The following TMEM52B variants were observed in gnomAD, a reference collection of about 807,000 sequenced individuals.
TMEM52B encodes the protein transmembrane protein 52B, also known as chromosome 12 open reading frame 59.
A neutral mutation model predicts 16.1 loss-of-function variants in TMEM52B; 11 were observed. The ratio of observed to expected loss-of-function variants is 0.68; its 90% CI spans 0.43 to 1.13. The LOEUF (loss-of-function observed/expected upper bound fraction) is 1.13, where lower values mean the gene tolerates loss of function less well. Ranked by LOEUF, TMEM52B falls within the 50% of genes most tolerant of loss-of-function variation. The pLI, the probability that TMEM52B is intolerant of heterozygous loss-of-function variation, is 0.00. For missense variants in TMEM52B, 243 were observed against 230.4 expected, an observed-to-expected ratio of 1.05 and a Z score of -0.35; for synonymous variants, 101 against 93.8, an observed-to-expected ratio of 1.08 and a Z score of -0.45.
chr12:10,179,584 C>T lies in TMEM52B; in HGVS notation c.10C>T (p.Arg4Ter), dbSNP rs769702735. Residue 4 changes from arginine (R) to a stop codon, truncating the protein, a stop_gained, in exon 1 of 5, where the codon CGA becomes TGA. Coordinates refer to ENST00000543484, the MANE Select transcript of TMEM52B (RefSeq NM_001384896.1). LOFTEE classifies it high-confidence loss of function. ...GCAGGAATTCAGCCCGATGGGAGTC[C>T]GAGTTCATGTCGTGGCGGCCTCAGC... MGV[R>*]VHVVAASALL... 8.1e-6 allele frequency: 13 copies of T among 1,614,066 alleles called. No individual in the cohort carries two copies. Among genetic ancestry groups the T allele is most frequent in the South Asian group, 1.1e-5 (1 of 91,088 alleles).
At chr12:10,173,296 T>C (rs2137532103) in intron 1 of TMEM52B, among the ~76,000 whole-genome samples, 1 of 149,746 alleles carries the variant, frequency 6.7e-6, no homozygotes, top group East Asian at 2.0e-4. Context: ...TTACTTTAAA[T>C]TACTCCAGGA....
chr12:10,185,628 C>T (rs1233418730), intron 3 of TMEM52B, among the ~76,000 whole-genome samples: 4 of 152,080 alleles, frequency 2.6e-5, no homozygotes, highest in African/African-American at 7.2e-5. Flanking sequence ...AGAGCCTGGC[C>T]GGGCGTGGTG....
intron 1 of TMEM52B, among the ~76,000 whole-genome samples, chr12:10,172,838 C>T (rs1306459615): frequency 6.6e-6 from 1 of 152,114 alleles, no homozygotes; most frequent in Non-Finnish European, 1.5e-5. Flanking sequence ...TATAGGAATT[C>T]AAATGACATG....
rs898337385 is a variant in TMEM52B at position 10,191,078 on chromosome 12, T to A, written c.*938T>A. The stretch of plus-strand genomic sequence containing the variant: ...AACTAAATGCTGAACTAAGCCTGGT[T>A]GAGATGCTTCCCATGGACCATGCCG... On this transcript the variant is annotated 3_prime_UTR_variant, in exon 5 of 5. Transcript: ENST00000543484. 34 of 152,250 alleles carry A rather than the reference T, an allele frequency of 2.2e-4. No individual in the cohort carries two copies. Among genetic ancestry groups the A allele is most frequent in the African/African-American group, 8.2e-4 (34 of 41,450 alleles). 9.4% of individuals were successfully genotyped at this position (152,250 alleles called of 1,614,324 possible). A position where few individuals can be genotyped will look rare whatever the true frequency, so the allele number is the denominator to read the frequency against.
upstream of TMEM52B, among the ~76,000 whole-genome samples, chr12:10,175,087 C>T (rs1948756348): frequency 6.6e-6 from 1 of 152,114 alleles, no homozygotes; most frequent in South Asian, 2.1e-4. Flanking sequence ...TTAGAGGGCT[C>T]TCATTATTCC....
intron 1 of TMEM52B, among the ~76,000 whole-genome samples, chr12:10,172,676 G>A (rs1022340250): frequency 3.9e-5 from 6 of 152,222 alleles, no homozygotes; most frequent in Non-Finnish European, 1.5e-5. Flanking sequence ...AGTTCATGCA[G>A]TGCCAGTGTA....
At chr12:10,171,485 T>C (rs1948716476) in intron 1 of TMEM52B, among the ~76,000 whole-genome samples, 1 of 152,214 alleles carries the variant, frequency 6.6e-6, no homozygotes, top group Non-Finnish European at 1.5e-5. Flanking sequence ...TTACTTTGCC[T>C]GCATAATTCA....
At position 10,186,910 on chromosome 12, in the gene TMEM52B, C is replaced by T. The variant is rs111666078; in HGVS notation, c.307+321C>T. On this transcript the variant is annotated intron_variant, in intron 4 of 4. Coordinates refer to ENST00000543484, the MANE Select transcript of TMEM52B (RefSeq NM_001384896.1). ...CTCCAAACGGATGCCTTTTTCAAAA[C>T]GTCTTGGATTTTGTGAAATCTACTT... Among the ~76,000 whole-genome samples, 420 of 152,212 alleles carry T rather than the reference C, an allele frequency of 2.8e-3. 3 individuals carry two copies. The highest frequency in any genetic ancestry group is 9.8e-3 in the African/African-American group (406 of 41,534).
At chr12:10,174,378 C>T (rs1019593169), upstream of TMEM52B, among the ~76,000 whole-genome samples, 1 of 152,144 alleles carries the variant, frequency 6.6e-6, no homozygotes. Flanking sequence ...GTCTTCTTGA[C>T]TGGGTCATGG....
At chr12:10,188,820 C>G (rs980362864) in intron 4 of TMEM52B, among the ~76,000 whole-genome samples, 1 of 151,622 alleles carries the variant, frequency 6.6e-6, no homozygotes, top group African/African-American at 2.4e-5. Flanking sequence ...AGATCGAGAC[C>G]ATCCTGGCTA....
At chr12:10,172,849 T>C (rs988274271) in intron 1 of TMEM52B, among the ~76,000 whole-genome samples, 1 of 152,128 alleles carries the variant, frequency 6.6e-6, no homozygotes, top group African/African-American at 2.4e-5. Context: ...AAATGACATG[T>C]CTGGAAATTA....
rs1359419314 is a variant in TMEM52B, at chr12:10,189,975, C to T, written c.387C>T (p.Pro129=). The change falls in exon 5 of 5, where the codon CCC becomes CCT. Residue 129 remains proline, a synonymous_variant. Transcript: ENST00000543484. ...CCCACAGCTCCCTGGGCCAGCTGCC[C>T]TCCTCTTTGGACACCCTCCCAGGGT... is the stretch of plus-strand genomic sequence containing the variant. ...AHSHSSLGQL[P]SSLDTLPGYE... 1 of 1,614,178 alleles carries T rather than the reference C, an allele frequency of 6.2e-7. No individual in the cohort carries two copies. The highest frequency in any genetic ancestry group is 1.7e-5 in the Admixed American group (1 of 60,012).
At chr12:10,171,321 A>G (rs1204976216) in intron 1 of TMEM52B, among the ~76,000 whole-genome samples, 1 of 152,182 alleles carries the variant, frequency 6.6e-6, no homozygotes, top group Non-Finnish European at 1.5e-5. Flanking sequence ...ATAGAATAAA[A>G]GGCAATTTAC....
chr12:10,190,651 A>G lies in TMEM52B; in HGVS notation c.*511A>G, dbSNP rs955434397. 6.1e-6 allele frequency: 1 copy of G among 165,212 alleles called. No individual in the cohort carries two copies. Among genetic ancestry groups the G allele is most frequent in the Non-Finnish European group, 1.3e-5 (1 of 74,192 alleles). 10.2% of individuals were successfully genotyped at this position (165,212 alleles called of 1,614,324 possible). On this transcript the variant is annotated 3_prime_UTR_variant, in exon 5 of 5. Coordinates refer to ENST00000543484, the MANE Select transcript of TMEM52B (RefSeq NM_001384896.1). ...GACAGCACAACATACCCACTCGGATATCTAAAAGCTAGGGATGGCATTGCT... is the reference window on the plus strand; with the variant it reads ...GACAGCACAACATACCCACTCGGATGTCTAAAAGCTAGGGATGGCATTGCT...
At position 10,186,473 on chromosome 12, in the gene TMEM52B, G is replaced by A. The variant is rs747228484; in HGVS notation, c.191G>A (p.Cys64Tyr). Reference sequence around the variant, plus strand: ...CTCCTGTGTGGCCTGACGTCCCTGTGCTTCCGCTGCTGCTGTCTGAGCCGC... The same window carrying A: ...CTCCTGTGTGGCCTGACGTCCCTGTACTTCCGCTGCTGCTGTCTGAGCCGC... ...LLLLCGLTSLCFRCCCLSRQQ... is the reference protein window; with the variant it reads ...LLLLCGLTSLYFRCCCLSRQQ... The change falls in exon 4 of 5, where the codon TGC becomes TAC. Residue 64 changes from cysteine to tyrosine, a missense_variant. Transcript: ENST00000543484. 3.7e-6 allele frequency: 6 copies of A among 1,612,600 alleles called. No homozygotes were observed. In the East Asian group the frequency reaches 1.3e-4, roughly 36 times the overall value.
At chr12:10,172,118 G>T in intron 1 of TMEM52B, 2 of 1,444,562 alleles carry the variant, frequency 1.4e-6, no homozygotes, top group South Asian at 1.1e-5. Context: ...AAGCAGTCAC[G>T]AACTTCAACA....
intron 2 of TMEM52B, among the ~76,000 whole-genome samples, chr12:10,183,147 G>A (rs1948842495): frequency 6.6e-6 from 1 of 152,112 alleles, no homozygotes; most frequent in Non-Finnish European, 1.5e-5. Flanking sequence ...TCCACTTAAA[G>A]GAACTGTAAA....
intron 3 of TMEM52B, among the ~76,000 whole-genome samples, chr12:10,186,145 ACT>A (rs894871539): frequency 3.3e-5 from 5 of 152,194 alleles, no homozygotes; most frequent in African/African-American, 1.2e-4. Context: ...ACAGAGCAAG[ACT>A]CTGTCTCAGA....
At chr12:10,176,114 C>G (rs1948763817), upstream of TMEM52B, among the ~76,000 whole-genome samples, 2 of 152,154 alleles carry the variant, frequency 1.3e-5, no homozygotes, top group Admixed American at 6.5e-5. Flanking sequence ...TCCCTCTATC[C>G]CAGCTACCTG....
Sources: allele counts gnomAD v4.1 joint callset (sites outside exome capture counted in the v4.1 genomes callset), GRCh38; gene constraint gnomAD v4.1.1; transcripts MANE v1.5; gene names NCBI Gene and HGNC (gene_info 2026-07-23, HGNC 2026-07-21).